SEMA6D: variants seen among roughly 807,000 people sequenced by gnomAD.
SEMA6D encodes semaphorin 6D, also known as semaphorin-6D.
In SEMA6D, 35 loss-of-function variants were observed where a neutral mutation model predicts 106.6. That is an observed-to-expected ratio of 0.33 (90% CI 0.25 to 0.44). SEMA6D has a LOEUF of 0.44. Ranked by LOEUF, SEMA6D falls within the 20% of genes least tolerant of loss-of-function variation. The pLI is 1.00. For synonymous variants in SEMA6D, 499 were observed against 487.7 expected (o/e 1.02, Z -0.31); for missense variants, 1,185 against 1,345.9 (o/e 0.88, Z 1.87).
At chr15:47,415,969 G>A (rs1241014988) in intron 2 of SEMA6D, among the ~76,000 whole-genome samples, 1 of 152,196 alleles carries the variant, frequency 6.6e-6, no homozygotes, top group African/African-American at 2.4e-5. Flanking sequence ...AATGGATGAA[G>A]TTAAACATAG....
chr15:47,392,953 C>A (rs146745280), intron 1 of SEMA6D, among the ~76,000 whole-genome samples: 2 of 152,166 alleles, frequency 1.3e-5, no homozygotes, highest in Non-Finnish European at 2.9e-5. Context: ...TAGTCCTGTT[C>A]GGGCACCTGC....
At chr15:47,417,278 G>C (rs1412804883) in intron 2 of SEMA6D, among the ~76,000 whole-genome samples, 1 of 151,892 alleles carries the variant, frequency 6.6e-6, no homozygotes, top group East Asian at 1.9e-4. Flanking sequence ...GGAAAGGGGA[G>C]ATGAGAAACG....
chr15:47,319,334 GTT>G (rs955036499), intron 1 of SEMA6D, among the ~76,000 whole-genome samples: 1 of 152,142 alleles, frequency 6.6e-6, no homozygotes, highest in Non-Finnish European at 1.5e-5. Flanking sequence ...TTCATGTTGT[GTT>G]TTTTGCCATT....
chr15:47,410,045 G>T (rs1332312006), intron 1 of SEMA6D, among the ~76,000 whole-genome samples: 1 of 152,080 alleles, frequency 6.6e-6, no homozygotes, highest in Non-Finnish European at 1.5e-5. Context: ...AGAGTGCTTG[G>T]CTCACTGCAG....
At chr15:47,314,326 C>T (rs1422972557) in intron 1 of SEMA6D, among the ~76,000 whole-genome samples, 5 of 151,992 alleles carry the variant, frequency 3.3e-5, no homozygotes, top group African/African-American at 4.8e-5. Flanking sequence ...AGACCGGGCG[C>T]GGTGGCTCAC....
intron 2 of SEMA6D, among the ~76,000 whole-genome samples, chr15:47,421,841 G>A (rs1432815929): frequency 6.6e-6 from 1 of 152,050 alleles, no homozygotes; most frequent in Non-Finnish European, 1.5e-5. Context: ...CTCTAGCAAT[G>A]TCCATAGTGT....
chr15:47,762,406 C>A, intron 8 of SEMA6D, 87 bp downstream of exon 8: 2 of 1,447,686 alleles, frequency 1.4e-6, no homozygotes, highest in South Asian at 1.2e-5. Context: ...AGAGGTTCAG[C>A]GCATGACTTT....
chr15:47,312,146 G>GT (rs55676647), intron 1 of SEMA6D, among the ~76,000 whole-genome samples: 53,088 of 142,070 alleles, frequency 0.37, 10,065 homozygotes, highest in Middle Eastern at 0.57. Flanking sequence ...TCTTTCTAGG[G>GT]TTTTTTTTTT....
chr15:47,681,966 T>C (rs1596617382), intron 4 of SEMA6D, among the ~76,000 whole-genome samples: 1 of 152,228 alleles, frequency 6.6e-6, no homozygotes, highest in African/African-American at 2.4e-5. Context: ...TTAGGTTCAA[T>C]GGTCTAGTTG....
chr15:47,505,498 A>G (rs967050183), intron 3 of SEMA6D, among the ~76,000 whole-genome samples: 2 of 152,168 alleles, frequency 1.3e-5, no homozygotes, highest in East Asian at 3.9e-4. Context: ...CAATATGAAC[A>G]TGGGCTACAG....
chr15:47,515,475 T>G (rs2044359631), intron 3 of SEMA6D, among the ~76,000 whole-genome samples: 1 of 152,232 alleles, frequency 6.6e-6, no homozygotes, highest in Non-Finnish European at 1.5e-5. Flanking sequence ...TAGTAGGCTC[T>G]CAACAAATAC....
intron 3 of SEMA6D, among the ~76,000 whole-genome samples, chr15:47,553,440 C>G (rs1033964203): frequency 6.6e-6 from 1 of 152,110 alleles, no homozygotes; most frequent in African/African-American, 2.4e-5. Flanking sequence ...TGCCCACACC[C>G]GCGCCTATCA....
chr15:47,620,495 A>C (rs1323418019), intron 4 of SEMA6D, among the ~76,000 whole-genome samples: 2 of 152,200 alleles, frequency 1.3e-5, no homozygotes, highest in Non-Finnish European at 2.9e-5. Flanking sequence ...AAAAATTAAG[A>C]TGAACATGCA....
intron 1 of SEMA6D, among the ~76,000 whole-genome samples, chr15:47,309,832 T>C (rs2036376349): frequency 6.6e-6 from 1 of 152,162 alleles, no homozygotes; most frequent in Admixed American, 6.5e-5. Flanking sequence ...CTGTACTGAA[T>C]GGGAAAACAA....
At chr15:47,551,673 C>CTGTGTATGTGTGTGTGTGTG (rs2045694488) in intron 3 of SEMA6D, among the ~76,000 whole-genome samples, 1 of 141,252 alleles carries the variant, frequency 7.1e-6, no homozygotes, top group African/African-American at 2.6e-5. Flanking sequence ...ATCTGGGACT[C>CTGTGTATGTGTGTGTGTGTG]TGTGTGTGTG....
Position 47,730,304 on chromosome 15 carries a change from C to T in SEMA6D, c.-55+12612C>T. 4 of 1,521,646 alleles carry T rather than the reference C, an allele frequency of 2.6e-6. No individual in the cohort carries two copies. The Admixed American group carries it at 6.7e-5, about 25-fold the overall frequency. The allele number at this position is 1,521,646 out of a possible 1,614,324, so 94.3% of individuals were successfully genotyped here. ...AGCTTCCACCAGCTTAGCCAAAGCG[C>T]CTTTGTCTTCCGAGTTCACCTGTGT... On this transcript the variant is annotated intron_variant, in intron 1 of 18. Coordinates refer to ENST00000536845, the MANE Select transcript of SEMA6D (RefSeq NM_001358351.3).
intron 4 of SEMA6D, among the ~76,000 whole-genome samples, chr15:47,666,780 G>C (rs942128886): frequency 1.3e-5 from 2 of 152,144 alleles, no homozygotes; most frequent in Non-Finnish European, 2.9e-5. Flanking sequence ...AACAGCAAAT[G>C]AAGCTACTCA....
intron 4 of SEMA6D, among the ~76,000 whole-genome samples, chr15:47,695,532 A>T (rs2078681055): frequency 2.0e-5 from 3 of 152,062 alleles, no homozygotes; most frequent in Admixed American, 2.0e-4. Context: ...ACACGAACAC[A>T]TGCACACACA....
chr15:47,572,323 G>A (rs76668581), intron 3 of SEMA6D, among the ~76,000 whole-genome samples: 3,542 of 152,176 alleles, frequency 0.023, 60 homozygotes, highest in Non-Finnish European at 0.032. Flanking sequence ...TAAATTATTT[G>A]TGTATTAGTC....
Sources: gnomAD v4.1 joint callset for allele counts (sites outside exome capture counted in the v4.1 genomes callset) on GRCh38, gnomAD v4.1.1 for gene constraint, MANE v1.5 for transcripts, NCBI Gene and HGNC (gene_info 2026-07-23, HGNC 2026-07-21) for gene names.